COL5A2: variants seen among roughly 807,000 people sequenced by gnomAD.
COL5A2 encodes the protein collagen alpha-2(V) chain.
A neutral mutation model predicts 208.2 loss-of-function variants in COL5A2; 23 were observed. The ratio of observed to expected loss-of-function variants is 0.11; its 90% CI spans 0.08 to 0.16. The LOEUF is 0.16. Among genes scored for constraint, COL5A2 ranks in the 10% least tolerant of loss-of-function variants. The pLI is 1.00. For missense variants in COL5A2, 1,590 were observed against 1,956.4 expected (o/e 0.81, Z 3.53); for synonymous variants, 625 against 628.5 (o/e 0.99, Z 0.08).
intron 1 of COL5A2, among the ~76,000 whole-genome samples, chr2:189,207,366 A>C (rs1254012566): frequency 1.3e-5 from 2 of 152,210 alleles, no homozygotes; most frequent in East Asian, 3.9e-4. Flanking sequence ...AACTCAAGAA[A>C]AAAATTAACA....
At chr2:189,084,153 A>G in intron 11 of COL5A2, 116 bp from the exon 12 acceptor site, 1 of 767,308 alleles carries the variant, frequency 1.3e-6, no homozygotes. Context: ...AAGCTAATGT[A>G]CAATTCTCTA....
chr2:189,238,651 T>C, the COL5A2 span, among the ~76,000 whole-genome samples: 2 of 152,084 alleles, frequency 1.3e-5, no homozygotes, highest in Non-Finnish European at 2.9e-5. Context: ...CTTACAATCA[T>C]GGCAGAAGGC....
the COL5A2 span, among the ~76,000 whole-genome samples, chr2:189,407,218 T>C: frequency 2.5e-3 from 375 of 152,274 alleles, 2 homozygotes; most frequent in African/African-American, 8.7e-3. Context: ...TAAAGGTTTT[T>C]TTTACAAAGT....
chr2:189,357,426 A>G, the COL5A2 span, among the ~76,000 whole-genome samples: 1 of 152,040 alleles, frequency 6.6e-6, no homozygotes, highest in Non-Finnish European at 1.5e-5. Context: ...TTCAGGAGGA[A>G]TCTAGAGAGG....
At chr2:189,354,238 G>C in the COL5A2 span, among the ~76,000 whole-genome samples, 1 of 151,984 alleles carries the variant, frequency 6.6e-6, no homozygotes, top group Non-Finnish European at 1.5e-5. Context: ...GGCCTGAAAT[G>C]TTCTTTTTCT....
At chr2:189,083,394 G>A (rs1240719086) in intron 12 of COL5A2, among the ~76,000 whole-genome samples, 1 of 152,064 alleles carries the variant, frequency 6.6e-6, no homozygotes, top group African/African-American at 2.4e-5. Context: ...AAACAGCTAT[G>A]TTAGGAGAGC....
intron 1 of COL5A2, among the ~76,000 whole-genome samples, chr2:189,146,443 T>C (rs1688041694): frequency 1.3e-5 from 2 of 152,106 alleles, no homozygotes. Flanking sequence ...AGAATACAGA[T>C]GATTACAGAC....
At chr2:189,398,681 C>A in the COL5A2 span, among the ~76,000 whole-genome samples, 2 of 152,100 alleles carry the variant, frequency 1.3e-5, no homozygotes, top group Non-Finnish European at 2.9e-5. Context: ...AGTAGCAGAG[C>A]AAAATATTTA....
rs530099521 is a variant in COL5A2, at chr2:189,050,442, G to A, written c.3039+127C>T. 1,163 of 759,148 alleles carry A rather than the reference G, an allele frequency of 1.5e-3. 3 individuals are homozygous for A. Among genetic ancestry groups the A allele is most frequent in the Non-Finnish European group, 2.4e-3 (1,067 of 443,878 alleles). 47.0% of individuals were successfully genotyped at this position (759,148 alleles called of 1,614,324 possible). The stretch of plus-strand genomic sequence containing the variant: ...ATTTAAGATCAAAAGATTTTTAAGA[G>A]ACTCAAAAATTAATGTCCCTACAAT... On this transcript the variant is annotated intron_variant, in intron 43 of 53. Transcript: ENST00000374866.
At chr2:189,182,447 T>C (rs1039349932), upstream of COL5A2, among the ~76,000 whole-genome samples, 4 of 152,176 alleles carry the variant, frequency 2.6e-5, no homozygotes, top group African/African-American at 7.2e-5. Flanking sequence ...CAGTGATGTC[T>C]GACTCCAGAG....
At chr2:189,047,726 G>T (rs1685699481) in intron 45 of COL5A2, among the ~76,000 whole-genome samples, 1 of 152,158 alleles carries the variant, frequency 6.6e-6, no homozygotes, top group African/African-American at 2.4e-5. Context: ...CTGCCAGAAG[G>T]GACTGGGGCT....
chr2:189,195,262 C>T (rs72910372), intron 1 of COL5A2, among the ~76,000 whole-genome samples: 69 of 152,130 alleles, frequency 4.5e-4, no homozygotes, highest in Non-Finnish European at 7.5e-4. Flanking sequence ...AACAAATAAT[C>T]AGAAGGGCTT....
rs1370711908 is a variant in COL5A2 at position 189,034,978 on chromosome 2, A to C, written c.4291T>G (p.Leu1431Val). Residue 1431 changes from leucine (L) to valine (V), a missense_variant, in exon 53 of 54, where the codon TTA becomes GTA. Physicochemically the swap from Leu to Val is conservative, Grantham distance 32. Coordinates refer to ENST00000374866, the MANE Select transcript of COL5A2 (RefSeq NM_000393.5). ...ATATTTCCCTCTGCTTTGATATCTAAGTCATTTGCCCCTTTGAGAACCACA... is the reference window on the plus strand; with the variant it reads ...ATATTTCCCTCTGCTTTGATATCTACGTCATTTGCCCCTTTGAGAACCACA... ...KAVVLKGAND[L>V]DIKAEGNIRF... 1 of 1,613,906 alleles carries C rather than the reference A, an allele frequency of 6.2e-7. No individual in the cohort carries two copies.
At chr2:189,125,327 C>T (rs1401012544) in intron 1 of COL5A2, among the ~76,000 whole-genome samples, 1 of 152,130 alleles carries the variant, frequency 6.6e-6, no homozygotes, top group Non-Finnish European at 1.5e-5. Flanking sequence ...GCTGCATTTA[C>T]CAATGACTTC....
chr2:189,431,459 T>G, the COL5A2 span, among the ~76,000 whole-genome samples: 1 of 152,066 alleles, frequency 6.6e-6, no homozygotes, highest in Non-Finnish European at 1.5e-5. Flanking sequence ...AAAAGGTTAG[T>G]TGAATGGCTA....
At chr2:189,080,214 T>C (rs1274854544) in intron 13 of COL5A2, among the ~76,000 whole-genome samples, 183 bp from the exon 14 acceptor site, 2 of 152,174 alleles carry the variant, frequency 1.3e-5, no homozygotes, top group Non-Finnish European at 2.9e-5. Context: ...AAATTAGAGT[T>C]TTCACCTTTA....
intron 1 of COL5A2, among the ~76,000 whole-genome samples, chr2:189,127,128 A>C (rs1336123226): frequency 6.6e-6 from 1 of 152,108 alleles, no homozygotes; most frequent in Non-Finnish European, 1.5e-5. Context: ...AGAATTGAGA[A>C]AGAAGTAGAA....
chr2:189,041,814 T>A, intron 49 of COL5A2, 121 bp from the exon 50 acceptor site: 1 of 665,656 alleles, frequency 1.5e-6, no homozygotes, highest in Non-Finnish European at 2.7e-6. Flanking sequence ...ATTCATTTTC[T>A]TACTGATTAA....
At chr2:189,233,981 A>C in the COL5A2 span, among the ~76,000 whole-genome samples, 3 of 151,342 alleles carry the variant, frequency 2.0e-5, no homozygotes, top group Non-Finnish European at 3.0e-5. Context: ...TGATTGTTTT[A>C]TTTTTGCTTC....
Sources: gnomAD v4.1 joint callset for allele counts (sites outside exome capture counted in the v4.1 genomes callset) on GRCh38, gnomAD v4.1.1 for gene constraint, MANE v1.5 for transcripts, NCBI Gene and HGNC (gene_info 2026-07-23, HGNC 2026-07-21) for gene names.